CFAP53: variants seen among roughly 807,000 people sequenced by gnomAD.
CFAP53 encodes the protein cilia- and flagella-associated protein 53.
CFAP53 carries 62 observed loss-of-function variants against 59.7 expected under a neutral mutation model. The observed-to-expected ratio is 1.04, with a 90% CI of 0.85 to 1.28. The LOEUF is 1.28. Among genes scored for constraint, CFAP53 ranks in the 50% most tolerant of loss-of-function variants. CFAP53 has a pLI of 0.00. For missense variants in CFAP53, 629 were observed against 615.6 expected, an observed-to-expected ratio of 1.02 and a Z score of -0.23; for synonymous variants, 218 against 205.7, an observed-to-expected ratio of 1.06 and a Z score of -0.51.
chr18:50,235,092 T>C (rs2033619766), intron 7 of CFAP53, among the ~76,000 whole-genome samples: 1 of 152,120 alleles, frequency 6.6e-6, no homozygotes, highest in African/African-American at 2.4e-5. Context: ...TGAAACTTGT[T>C]GCTCTTACAT....
intron 5 of CFAP53, among the ~76,000 whole-genome samples, chr18:50,248,783 T>TAA (rs748223121): frequency 6.9e-5 from 4 of 58,168 alleles, no homozygotes; most frequent in East Asian, 4.4e-4. Flanking sequence ...AGACTCCGCC[T>TAA]AAAAAAAAAA....
At chr18:50,227,713 C>A in intron 7 of CFAP53, 104 bp from the exon 8 acceptor site, 1 of 898,462 alleles carries the variant, frequency 1.1e-6, no homozygotes. Context: ...AATTAAATTC[C>A]CATTAAAATC....
rs368961887 is a variant in CFAP53 at position 50,238,583 on chromosome 18, T to C, written c.1316+20A>G. 160 of 1,573,966 alleles carry C rather than the reference T, an allele frequency of 1.0e-4. No individual in the cohort carries two copies. Among genetic ancestry groups the C allele is most frequent in the Non-Finnish European group, 1.3e-4 (152 of 1,146,650 alleles). On this transcript the variant is annotated intron_variant, in intron 7 of 7. Transcript: ENST00000398545. ...CCATTTTTTAGGTAGCAAATGATGATACAGAAAACAAAATCATACCTTGCA... is the reference window on the plus strand; with the variant it reads ...CCATTTTTTAGGTAGCAAATGATGACACAGAAAACAAAATCATACCTTGCA...
intron 6 of CFAP53, among the ~76,000 whole-genome samples, chr18:50,240,062 C>G (rs927315446): frequency 6.6e-6 from 1 of 152,188 alleles, no homozygotes; most frequent in Non-Finnish European, 1.5e-5. Flanking sequence ...TTTTGATCAA[C>G]TGCTCCACCC....
Position 50,227,474 on chromosome 18 carries a change from C to T in CFAP53, c.1452G>A (p.Leu484=). ...EAGVAANKMC[L]DKVQEVLSTH... is the part of the protein sequence containing the mutation. ...TGGACAGGACCTCCTGGACCTTGTC[C>T]AAACACATCTTGTTTGCTGCTACAC... Residue 484 remains leucine (L), a synonymous_variant, in exon 8 of 8, where the codon TTG becomes TTA. Coordinates refer to ENST00000398545, the MANE Select transcript of CFAP53 (RefSeq NM_145020.5). 1 of 1,614,146 alleles carries T rather than the reference C, an allele frequency of 6.2e-7. No homozygotes were observed. The highest frequency in any genetic ancestry group is 8.5e-7 in the Non-Finnish European group (1 of 1,180,026).
intron 6 of CFAP53, among the ~76,000 whole-genome samples, chr18:50,240,307 T>TGATTACCTGCTCCACCCTGACTCATTCC (rs2033678460): frequency 6.6e-6 from 1 of 151,834 alleles, no homozygotes; most frequent in African/African-American, 2.4e-5. Flanking sequence ...TAACTCATTC[T>TGATTACCTGCTCCACCCTGACTCATTCC]GATTACCTGC....
chr18:50,241,991 C>G (rs112167459), intron 6 of CFAP53, among the ~76,000 whole-genome samples: 47 of 152,264 alleles, frequency 3.1e-4, no homozygotes, highest in African/African-American at 1.1e-3. Flanking sequence ...ACTCCCAGAG[C>G]AGCTGTCTAT....
At chr18:50,239,408 T>G (rs1390696021) in intron 6 of CFAP53, among the ~76,000 whole-genome samples, 2 of 151,740 alleles carry the variant, frequency 1.3e-5, no homozygotes, top group African/African-American at 4.8e-5. Flanking sequence ...TATTTAAGCA[T>G]CCCAATAGAA....
chr18:50,265,454 C>G (rs1222351809), intron 1 of CFAP53, among the ~76,000 whole-genome samples: 1 of 152,104 alleles, frequency 6.6e-6, no homozygotes, highest in East Asian at 1.9e-4. Flanking sequence ...ATCTGAAATC[C>G]TAGACATCTC....
At chr18:50,244,695 G>A (rs1035130576) in intron 5 of CFAP53, among the ~76,000 whole-genome samples, 5 of 152,086 alleles carry the variant, frequency 3.3e-5, no homozygotes, top group African/African-American at 1.2e-4. Flanking sequence ...CCCACTTGAA[G>A]GGACTCTCAT....
At chr18:50,249,342 A>AC (rs1422951493) in intron 5 of CFAP53, among the ~76,000 whole-genome samples, 3 of 151,882 alleles carry the variant, frequency 2.0e-5, no homozygotes, top group South Asian at 4.1e-4. Context: ...GCATAGTGAG[A>AC]CCCCATCTCT....
At chr18:50,259,544 G>A (rs983886401) in intron 3 of CFAP53, among the ~76,000 whole-genome samples, 4 of 151,714 alleles carry the variant, frequency 2.6e-5, no homozygotes, top group African/African-American at 9.7e-5. Context: ...CTATTTGATA[G>A]CACAACAGGA....
chr18:50,253,553 A>C (rs2033820841), intron 3 of CFAP53, among the ~76,000 whole-genome samples: 1 of 152,234 alleles, frequency 6.6e-6, no homozygotes, highest in African/African-American at 2.4e-5. Flanking sequence ...TTAAGTGCTT[A>C]TTATCTGCCA....
chr18:50,250,838 C>T lies in CFAP53; in HGVS notation c.916G>A (p.Glu306Lys), dbSNP rs751078877. 9.3e-6 allele frequency: 15 copies of T among 1,614,034 alleles called. No homozygotes were observed. The highest frequency in any genetic ancestry group is 1.6e-4 in the Middle Eastern group (1 of 6,084). The change falls in exon 5 of 8, where the codon GAA (glutamate) becomes AAA (lysine). Residue 306 changes from glutamate (E) to lysine (K), a missense_variant. Glu to Lys is a moderately conservative substitution (Grantham distance 56). Transcript: ENST00000398545. ...ACGAGCTTCATGTTCAAGTCCTGTT[C>T]GTCTCTGTATTCCTGCTGAATATGT... ...IEHIQQEYRD[E>K]QDLNMKLVQR...
chr18:50,261,024 C>T, intron 3 of CFAP53, 40 bp downstream of exon 3: 21 of 1,565,016 alleles, frequency 1.3e-5, no homozygotes, highest in South Asian at 4.9e-5. Context: ...TTTAATGTAC[C>T]AACTTTGGAT....
chr18:50,228,469 T>A (rs184629479), intron 7 of CFAP53, among the ~76,000 whole-genome samples: 64 of 152,306 alleles, frequency 4.2e-4, no homozygotes, highest in African/African-American at 1.2e-3. Flanking sequence ...ACAGTTTTTT[T>A]ATTTATAGTA....
chr18:50,238,841 A>G, intron 6 of CFAP53, 136 bp from the exon 7 acceptor site: 1 of 594,566 alleles, frequency 1.7e-6, no homozygotes, highest in Non-Finnish European at 2.9e-6. Flanking sequence ...TTGATAAAGT[A>G]GAAGTACACA....
chr18:50,252,239 G>A (rs1329227207), intron 3 of CFAP53, among the ~76,000 whole-genome samples: 1 of 152,082 alleles, frequency 6.6e-6, no homozygotes, highest in Non-Finnish European at 1.5e-5. Context: ...GAGTAGCTGG[G>A]ACTACAGGTG....
intron 6 of CFAP53, among the ~76,000 whole-genome samples, chr18:50,240,288 G>C (rs938689951): frequency 6.6e-6 from 1 of 151,332 alleles, no homozygotes; most frequent in African/African-American, 2.4e-5. Flanking sequence ...CAGATTACCT[G>C]CTCCACCCTA....
Sources: gnomAD v4.1 joint callset for allele counts (sites outside exome capture counted in the v4.1 genomes callset) on GRCh38, gnomAD v4.1.1 for gene constraint, MANE v1.5 for transcripts, NCBI Gene and HGNC (gene_info 2026-07-23, HGNC 2026-07-21) for gene names.